The following SEZ6L variants were observed in gnomAD, a reference collection of about 807,000 sequenced individuals.
SEZ6L encodes the protein seizure related 6 homolog like.
SEZ6L carries 37 observed loss-of-function variants against 106.2 expected under a neutral mutation model. The observed-to-expected ratio is 0.35, with a 90% CI of 0.27 to 0.46. The LOEUF is 0.46. Among genes scored for constraint, SEZ6L ranks in the 20% least tolerant of loss-of-function variants. The probability of loss-of-function intolerance (pLI) is 1.00; values close to 1 mark genes in which losing one functional copy is unlikely to be tolerated. For synonymous variants in SEZ6L, 541 were observed against 570.4 expected, an observed-to-expected ratio of 0.95 and a Z score of 0.73; for missense variants, 1,172 against 1,332.8, an observed-to-expected ratio of 0.88 and a Z score of 1.88.
intron 1 of SEZ6L, among the ~76,000 whole-genome samples, chr22:26,173,628 G>A (rs540346551): frequency 6.6e-6 from 1 of 152,298 alleles, no homozygotes; most frequent in Admixed American, 6.5e-5. Context: ...CACTTCCTAT[G>A]TGTCTTAGTT....
intron 9 of SEZ6L, among the ~76,000 whole-genome samples, chr22:26,334,894 C>A (rs563817834): frequency 6.6e-6 from 1 of 152,276 alleles, no homozygotes; most frequent in East Asian, 1.9e-4. Context: ...TCAGACCAAG[C>A]CTGCCTGCCT....
In SEZ6L at chr22:26,309,726, G is replaced by A. The variant is rs12485215; in HGVS notation, c.1515-944G>A. On this transcript the variant is annotated intron_variant, in intron 6 of 16. Coordinates refer to ENST00000248933, the MANE Select transcript of SEZ6L (RefSeq NM_021115.5). The stretch of plus-strand genomic sequence containing the variant: ...CCAGAGTAGCAGGGACTATAGGCAC[G>A]CGCCACCATATCTGTCTGATTTTTG... Among the ~76,000 whole-genome samples the A allele has an allele frequency of 5.9e-3, 895 of 152,162 alleles. 28 individuals are homozygous for A. Among genetic ancestry groups the A allele is most frequent in the Admixed American group, 0.051 (785 of 15,266 alleles).
intron 1 of SEZ6L, 51 bp from the exon 2 acceptor site, chr22:26,292,355 G>A: frequency 6.9e-7 from 1 of 1,446,482 alleles, no homozygotes; most frequent in Non-Finnish European, 9.5e-7. Context: ...GACAGCAGGT[G>A]AAGGTCCTAA....
intron 1 of SEZ6L, among the ~76,000 whole-genome samples, chr22:26,212,170 G>A (rs973080803): frequency 2.0e-5 from 3 of 152,162 alleles, no homozygotes; most frequent in Admixed American, 6.5e-5. Flanking sequence ...GTCAATGGGC[G>A]GAGATGAGAC....
intron 1 of SEZ6L, among the ~76,000 whole-genome samples, chr22:26,260,446 G>A (rs1385366250): frequency 1.3e-5 from 2 of 151,972 alleles, no homozygotes; most frequent in Non-Finnish European, 2.9e-5. Flanking sequence ...TTCCATCCAC[G>A]TTGCTTCAAA....
At chr22:26,320,856 AC>A (rs2082134925) in intron 9 of SEZ6L, among the ~76,000 whole-genome samples, 1 of 152,004 alleles carries the variant, frequency 6.6e-6, no homozygotes, top group Non-Finnish European at 1.5e-5. Flanking sequence ...GGGGGAGAGC[AC>A]CCCCAGCATC....
At position 26,340,373 on chromosome 22, in the gene SEZ6L, C is replaced by G; in HGVS notation, c.2016-63C>G. On this transcript the variant is annotated intron_variant, in intron 9 of 16. Coordinates refer to ENST00000248933, the MANE Select transcript of SEZ6L (RefSeq NM_021115.5). The stretch of plus-strand genomic sequence containing the variant: ...TTTTGTATTGCCTGAAAAAGTTAAT[C>G]AAGGGTTTATTGAATGCCCATTCTC... 2.7e-6 allele frequency: 4 copies of G among 1,466,876 alleles called. No individual in the cohort carries two copies. The South Asian group carries it at 5.2e-5, about 19-fold the overall frequency. The allele number at this position is 1,466,876 out of a possible 1,614,324, so 90.9% of individuals were successfully genotyped here.
intron 1 of SEZ6L, among the ~76,000 whole-genome samples, chr22:26,212,557 G>A (rs942017600): frequency 6.6e-6 from 1 of 152,060 alleles, no homozygotes; most frequent in Admixed American, 6.5e-5. Flanking sequence ...TGAGTAGCTG[G>A]GACCACAGGC....
chr22:26,236,851 G>A (rs549498183), intron 1 of SEZ6L, among the ~76,000 whole-genome samples: 1 of 152,162 alleles, frequency 6.6e-6, no homozygotes, highest in African/African-American at 2.4e-5. Flanking sequence ...GCTACCATTA[G>A]CCTCTCCTCT....
At chr22:26,348,028 AC>A in intron 11 of SEZ6L, 115 bp downstream of exon 11, 1 of 764,890 alleles carries the variant, frequency 1.3e-6, no homozygotes, top group Non-Finnish European at 2.0e-6. Flanking sequence ...CTCCCCCTCC[AC>A]CACCAATTCA....
At chr22:26,342,423 C>T (rs1569470685) in intron 10 of SEZ6L, among the ~76,000 whole-genome samples, 1 of 152,114 alleles carries the variant, frequency 6.6e-6, no homozygotes, top group Admixed American at 6.5e-5. Context: ...GGCGCAGTGG[C>T]TCATGCCTGT....
chr22:26,196,521 A>G (rs1183412331), intron 1 of SEZ6L, among the ~76,000 whole-genome samples: 2 of 152,200 alleles, frequency 1.3e-5, no homozygotes, highest in Non-Finnish European at 2.9e-5. Flanking sequence ...AGGCTCCAGA[A>G]CACACACAGC....
Position 26,347,751 on chromosome 22 carries a change from C to T in SEZ6L, c.2245C>T (p.Pro749Ser), listed in dbSNP as rs2083057440. 4.3e-6 allele frequency: 7 copies of T among 1,609,804 alleles called. No individual in the cohort carries two copies. Among genetic ancestry groups the T allele is most frequent in the Non-Finnish European group, 5.1e-6 (6 of 1,178,508 alleles). The change falls in exon 11 of 17, where the codon CCC becomes TCC. Residue 749 changes from proline to serine, a missense_variant. Coordinates refer to ENST00000248933, the MANE Select transcript of SEZ6L (RefSeq NM_021115.5). ...AAGGAATGACTCCTGCTCGGATTTA[C>T]CCGAGATCCAGAATGGCTGGAAAAC... is the stretch of plus-strand genomic sequence containing the variant. ...VSRNDSCSDL[P>S]EIQNGWKTTS...
intron 1 of SEZ6L, among the ~76,000 whole-genome samples, chr22:26,254,464 A>G (rs1416523547): frequency 2.6e-4 from 40 of 152,052 alleles, no homozygotes; most frequent in Admixed American, 2.4e-3. Context: ...CAAAATGAAC[A>G]CATGTAGGCC....
At chr22:26,332,010 A>T (rs1234650397) in intron 9 of SEZ6L, among the ~76,000 whole-genome samples, 2 of 152,166 alleles carry the variant, frequency 1.3e-5, no homozygotes, top group Non-Finnish European at 2.9e-5. Flanking sequence ...TTAATTTTTA[A>T]AAAACGATGT....
chr22:26,353,816 T>C (rs653449), intron 12 of SEZ6L, among the ~76,000 whole-genome samples: 10 of 147,114 alleles, frequency 6.8e-5, no homozygotes, highest in African/African-American at 7.6e-5. Context: ...GTAATTGTGA[T>C]CTTGATTAGA....
At chr22:26,317,828 A>G (rs371633797) in intron 9 of SEZ6L, among the ~76,000 whole-genome samples, 45 of 151,936 alleles carry the variant, frequency 3.0e-4, no homozygotes, top group African/African-American at 8.7e-4. Flanking sequence ...CTGATACTCC[A>G]TGCCCTCAGC....
Position 26,238,864 on chromosome 22 carries a change from G to A in SEZ6L, c.95-53542G>A, listed in dbSNP as rs548888116. On this transcript the variant is annotated intron_variant, in intron 1 of 16. Transcript: ENST00000248933. Reference sequence around the variant, plus strand: ...GTCACACTAGGCTGCTCTGCCTCTCGAATAACTAGAACAACATGTTGTAAC... The same window carrying A: ...GTCACACTAGGCTGCTCTGCCTCTCAAATAACTAGAACAACATGTTGTAAC... Among the ~76,000 whole-genome samples, 207 of 152,208 alleles carry A rather than the reference G, an allele frequency of 1.4e-3. 2 individuals carry two copies. Among genetic ancestry groups the A allele is most frequent in the Admixed American group, 9.4e-3 (144 of 15,286 alleles).
chr22:26,373,938 C>T (rs915697968), intron 14 of SEZ6L, among the ~76,000 whole-genome samples: 1 of 152,158 alleles, frequency 6.6e-6, no homozygotes, highest in Non-Finnish European at 1.5e-5. Context: ...ATACCCACCC[C>T]TTCTCCCATC....
Sources: allele counts gnomAD v4.1 joint callset (sites outside exome capture counted in the v4.1 genomes callset), GRCh38; gene constraint gnomAD v4.1.1; transcripts MANE v1.5; gene names NCBI Gene and HGNC (gene_info 2026-07-23, HGNC 2026-07-21).